The following COMMD10 variants were observed in gnomAD, a reference collection of about 807,000 sequenced individuals.
COMMD10 encodes the protein COMM domain containing 10.
In COMMD10, 33 loss-of-function variants were observed where a neutral mutation model predicts 28.9. That is an observed-to-expected ratio of 1.14 (90% confidence interval 0.87 to 1.53). The LOEUF (loss-of-function observed/expected upper bound fraction) is 1.53. Among genes scored for constraint, COMMD10 ranks in the 40% most tolerant of loss-of-function variants. The pLI, the probability that COMMD10 is intolerant of heterozygous loss-of-function variation, is 0.00. For synonymous variants in COMMD10, 110 were observed against 81.7 expected (o/e 1.35, Z -1.87); for missense variants, 310 against 233.4 (o/e 1.33, Z -2.14).
chr5:116,171,759 A>T (rs1014944570), intron 5 of COMMD10, among the ~76,000 whole-genome samples: 1 of 152,012 alleles, frequency 6.6e-6, no homozygotes, highest in Admixed American at 6.6e-5. Context: ...GCTCTCACTC[A>T]TAAGGGGGAG....
intron 5 of COMMD10, among the ~76,000 whole-genome samples, chr5:116,160,452 C>T (rs1289251336): frequency 1.3e-5 from 2 of 152,108 alleles, no homozygotes; most frequent in Non-Finnish European, 2.9e-5. Flanking sequence ...ACAAGATGCT[C>T]TTTTTAATTA....
intron 5 of COMMD10, among the ~76,000 whole-genome samples, chr5:116,199,850 G>T (rs112744412): frequency 1.3e-5 from 2 of 152,218 alleles, no homozygotes; most frequent in East Asian, 1.9e-4. Flanking sequence ...GAGTATCTGG[G>T]ATTACAGGTA....
intron 5 of COMMD10, among the ~76,000 whole-genome samples, chr5:116,150,019 G>A (rs1752468780): frequency 6.6e-6 from 1 of 152,208 alleles, no homozygotes; most frequent in African/African-American, 2.4e-5. Context: ...AATCCATCTT[G>A]AATTAATTTT....
rs113005699 is a variant in COMMD10, at chr5:116,247,383, T to C, written c.511-44134T>C. ...CACTGTTGGTGGCAGTGTAAATTGC[T>C]TGAACCATTGTGGAAGACAGCGTGG... is the stretch of plus-strand genomic sequence containing the variant. On this transcript the variant is annotated intron_variant, in intron 5 of 6. Transcript: ENST00000274458. 2.1e-3 allele frequency among the ~76,000 whole-genome samples: 319 copies of C among 152,232 alleles called. 3 individuals are homozygous for C. Among genetic ancestry groups the C allele is most frequent in the African/African-American group, 7.2e-3 (301 of 41,556 alleles).
chr5:116,178,604 C>T (rs1242226926), intron 5 of COMMD10, among the ~76,000 whole-genome samples: 2 of 152,032 alleles, frequency 1.3e-5, no homozygotes, highest in Non-Finnish European at 2.9e-5. Flanking sequence ...GTTCCTGTCC[C>T]TAAAAACATT....
At chr5:116,120,748 A>G (rs1040709560) in intron 4 of COMMD10, among the ~76,000 whole-genome samples, 16 of 49,848 alleles carry the variant, frequency 3.2e-4, no homozygotes, top group Middle Eastern at 0.018. Flanking sequence ...TTGTATTAGT[A>G]CTTTTTTTTT....
chr5:116,260,585 CA>C (rs1292987352), intron 5 of COMMD10, among the ~76,000 whole-genome samples: 1 of 151,782 alleles, frequency 6.6e-6, no homozygotes, highest in Non-Finnish European at 1.5e-5. Context: ...AAAAGGACTT[CA>C]CTGTCTTGTT....
At chr5:116,147,202 ACAGT>A (rs1752380769) in intron 5 of COMMD10, among the ~76,000 whole-genome samples, 1 of 151,898 alleles carries the variant, frequency 6.6e-6, no homozygotes. Context: ...TGCACAAGGA[ACAGT>A]CAATTTTAGT....
intron 5 of COMMD10, among the ~76,000 whole-genome samples, chr5:116,185,347 C>A (rs1748103087): frequency 6.6e-6 from 1 of 152,182 alleles, no homozygotes. Flanking sequence ...ACCTCAGGTC[C>A]TACTTCTAGC....
intron 5 of COMMD10, among the ~76,000 whole-genome samples, chr5:116,248,508 G>A (rs945386726): frequency 6.6e-6 from 1 of 151,922 alleles, no homozygotes; most frequent in Non-Finnish European, 1.5e-5. Context: ...CCAGGTGTGC[G>A]AGACCCTAGT....
chr5:116,085,291 T>A, intron 1 of COMMD10, 198 bp downstream of exon 1: 1 of 585,254 alleles, frequency 1.7e-6, no homozygotes, highest in Non-Finnish European at 3.0e-6. Context: ...ACAGTCACGG[T>A]GGTCCACCTG....
intron 4 of COMMD10, among the ~76,000 whole-genome samples, chr5:116,103,000 TC>T (rs1252042622): frequency 6.6e-6 from 1 of 152,200 alleles, no homozygotes; most frequent in African/African-American, 2.4e-5. Context: ...CATGAACTCA[TC>T]CTTTTTTATG....
chr5:116,282,785 A>C (rs1041199054), intron 5 of COMMD10, among the ~76,000 whole-genome samples: 1 of 151,830 alleles, frequency 6.6e-6, no homozygotes, highest in African/African-American at 2.4e-5. Context: ...ATTAGGGGCC[A>C]CCCTCATTGA....
chr5:116,147,198 A>G lies in COMMD10; in HGVS notation c.510+13020A>G, dbSNP rs56812763. 9.8e-3 allele frequency among the ~76,000 whole-genome samples: 1,492 copies of G among 152,024 alleles called. 27 individuals are homozygous for G. Among genetic ancestry groups the G allele is most frequent in the African/African-American group, 0.033 (1,386 of 41,512 alleles). On this transcript the variant is annotated intron_variant, in intron 5 of 6. Coordinates refer to ENST00000274458, the MANE Select transcript of COMMD10 (RefSeq NM_016144.4). ...AAGACAGCTGTTCGGTTAGTGCACA[A>G]GGAACAGTCAATTTTAGTTACTTTA...
At chr5:116,097,461 G>C (rs1038587792) in intron 4 of COMMD10, among the ~76,000 whole-genome samples, 2 of 152,198 alleles carry the variant, frequency 1.3e-5, no homozygotes, top group Admixed American at 6.5e-5. Context: ...AGCTAAGTAA[G>C]TGGCTGAGTT....
chr5:116,106,415 A>G (rs1274453805), intron 4 of COMMD10, among the ~76,000 whole-genome samples: 1 of 152,096 alleles, frequency 6.6e-6, no homozygotes, highest in East Asian at 1.9e-4. Flanking sequence ...TATGTGGTCA[A>G]TTTTAGAATA....
At position 116,268,543 on chromosome 5, in the gene COMMD10, C is replaced by T. The variant is rs1161518996; in HGVS notation, c.511-22974C>T. Among the ~76,000 whole-genome samples the T allele has an allele frequency of 5.9e-5, 9 of 151,898 alleles. 1 individual carries two copies. The highest frequency in any genetic ancestry group is 1.7e-4 in the African/African-American group (7 of 41,172). ...TCAACCATTGTGGAAGACAGTGTGG[C>T]GATTCCTCAAGGATCTAGAACTAGA... is the stretch of plus-strand genomic sequence containing the variant. On this transcript the variant is annotated intron_variant, in intron 5 of 6. Coordinates refer to ENST00000274458, the MANE Select transcript of COMMD10 (RefSeq NM_016144.4).
intron 5 of COMMD10, among the ~76,000 whole-genome samples, chr5:116,190,733 AACTAACAACTTTAAGCTGAAAT>A (rs1178458296): frequency 1.3e-5 from 2 of 152,232 alleles, no homozygotes; most frequent in Non-Finnish European, 2.9e-5. Context: ...CAAGGAAAGC[AACTAACAACTTTAAGCTGAAAT>A]ACTAATCCTG....
chr5:116,230,778 A>C (rs1312660975), intron 5 of COMMD10, among the ~76,000 whole-genome samples: 3 of 152,080 alleles, frequency 2.0e-5, no homozygotes. Flanking sequence ...TTTACCATCC[A>C]AAGTTCTTGA....
Sources: allele counts gnomAD v4.1 joint callset (sites outside exome capture counted in the v4.1 genomes callset), GRCh38; gene constraint gnomAD v4.1.1; transcripts MANE v1.5; gene names NCBI Gene and HGNC (gene_info 2026-07-23, HGNC 2026-07-21).